The following PLPBP variants were observed in gnomAD, a reference collection of about 807,000 sequenced individuals.
PLPBP encodes pyridoxal phosphate homeostasis protein.
A neutral mutation model predicts 31.2 loss-of-function variants in PLPBP; 21 were observed. The observed-to-expected ratio is 0.67, with a 90% CI of 0.48 to 0.97. The LOEUF (loss-of-function observed/expected upper bound fraction) is 0.97. Among genes scored for constraint, PLPBP ranks in the 50% least tolerant of loss-of-function variants. The pLI, the probability that PLPBP is intolerant of heterozygous loss-of-function variation, is 0.00. For synonymous variants in PLPBP, 124 were observed against 135.6 expected (o/e 0.91, Z 0.59); for missense variants, 308 against 354.4 (o/e 0.87, Z 1.05).
At chr8:37,762,855 C>T (rs540502840) in intron 1 of PLPBP, 97 bp downstream of exon 1, 3 of 1,449,718 alleles carry the variant, frequency 2.1e-6, no homozygotes, top group South Asian at 2.6e-5. Context: ...GAGGGGTCTC[C>T]CAGAGAGGCG....
chr8:37,771,403 G>A (rs1803764434), intron 4 of PLPBP, among the ~76,000 whole-genome samples: 1 of 152,064 alleles, frequency 6.6e-6, no homozygotes, highest in Admixed American at 6.5e-5. Context: ...GCCTCCCCAA[G>A]TGCTGGGATT....
chr8:37,765,692 T>C lies in PLPBP; in HGVS notation c.208-19T>C. 2 of 1,614,232 alleles carry C rather than the reference T, an allele frequency of 1.2e-6. No individual in the cohort carries two copies. Among genetic ancestry groups the C allele is most frequent in the African/African-American group, 1.3e-5 (1 of 75,062 alleles). ...TCATGATTGCCAGGCTTCTGACTTG[T>C]TCTGTTTTGACCTTTTAGGTTCAGG... is the stretch of plus-strand genomic sequence containing the variant. On this transcript the variant is annotated intron_variant, in intron 2 of 7. Transcript: ENST00000328195.
chr8:37,775,914 T>A lies in PLPBP; in HGVS notation c.598-4T>A, dbSNP rs1361462000. ...GTAAAATAGGTGTCATCTCTTTCTG[T>A]CAGCTGTTATTGTCCCTCCGGGAGG... is the stretch of plus-strand genomic sequence containing the variant. On this transcript the variant is annotated splice_region_variant and splice_polypyrimidine_tract_variant and intron_variant, in intron 6 of 7. Transcript: ENST00000328195. 6.2e-7 allele frequency: 1 copy of A among 1,609,570 alleles called. No homozygotes were observed. Among genetic ancestry groups the A allele is most frequent in the African/African-American group, 1.4e-5 (1 of 73,852 alleles).
At chr8:37,775,793 G>C in intron 6 of PLPBP, 125 bp from the exon 7 acceptor site, 1 of 1,047,522 alleles carries the variant, frequency 9.5e-7, no homozygotes. Flanking sequence ...GTAACGTCTG[G>C]CAATTTTGGC....
rs114027497 is a variant in PLPBP, at chr8:37,772,290, C to T, written c.320-465C>T. On this transcript the variant is annotated intron_variant, in intron 4 of 7. Transcript: ENST00000328195. ...TACACGTGTGAGCCACCACACCTGG[C>T]CAGTGTTAGGGTCATGGTGATGTCC... Among the ~76,000 whole-genome samples, 1,095 of 152,264 alleles carry T rather than the reference C, an allele frequency of 7.2e-3. 9 individuals are homozygous for T. Among genetic ancestry groups the T allele is most frequent in the African/African-American group, 0.025 (1,048 of 41,544 alleles).
At chr8:37,764,018 A>T (rs1445519279) in intron 1 of PLPBP, among the ~76,000 whole-genome samples, 1 of 150,342 alleles carries the variant, frequency 6.7e-6, no homozygotes, top group Non-Finnish European at 1.5e-5. Context: ...TCTGATCCTG[A>T]ATCCAGAATT....
chr8:37,772,619 C>T (rs1803801922), intron 4 of PLPBP, 136 bp from the exon 5 acceptor site: 1 of 1,050,292 alleles, frequency 9.5e-7, no homozygotes, highest in East Asian at 2.5e-5. Flanking sequence ...CATTTGTCTT[C>T]TCAGAGGAAC....
intron 5 of PLPBP, chr8:37,775,121 C>G (rs2129808610): frequency 2.4e-6 from 1 of 417,520 alleles, no homozygotes; most frequent in Admixed American, 4.0e-5. Context: ...AAAGAGAATC[C>G]AACTGATAGT....
At chr8:37,775,630 A>G (rs1004635745) in intron 6 of PLPBP, 149 bp downstream of exon 6, 12 of 1,262,366 alleles carry the variant, frequency 9.5e-6, no homozygotes, top group Non-Finnish European at 1.2e-5. Flanking sequence ...TCTCAGAAGG[A>G]AAAGGGAAGA....
chr8:37,776,016 G>A lies in PLPBP; in HGVS notation c.696G>A (p.Ala232=), dbSNP rs200504564. The change falls in exon 7 of 8, where the codon GCG becomes GCA. Residue 232 remains alanine, a splice_region_variant and synonymous_variant. Coordinates refer to ENST00000328195, the MANE Select transcript of PLPBP (RefSeq NM_007198.4). ...GCATGTCCGCGGATTTCCAGCATGCGGTGAGTGTCCTGCCAGTGCCCTGTC... is the reference window on the plus strand; with the variant it reads ...GCATGTCCGCGGATTTCCAGCATGCAGTGAGTGTCCTGCCAGTGCCCTGTC... The part of the protein sequence containing the change: ...SMGMSADFQH[A]VEVGSTNVRI... 18 of 1,612,828 alleles carry A rather than the reference G, an allele frequency of 1.1e-5. No individual in the cohort carries two copies. Among genetic ancestry groups the A allele is most frequent in the African/African-American group, 6.7e-5 (5 of 74,898 alleles).
upstream of PLPBP, chr8:37,762,634 T>C: frequency 6.4e-7 from 1 of 1,554,692 alleles, no homozygotes; most frequent in Non-Finnish European, 8.7e-7. Context: ...GCCGGGGGCC[T>C]GGGGCTCGGC....
chr8:37,762,627 G>A (rs756281756), upstream of PLPBP: 7 of 1,548,824 alleles, frequency 4.5e-6, no homozygotes, highest in Admixed American at 9.8e-5. Flanking sequence ...ACGGGCTGCC[G>A]GGGGCCTGGG....
chr8:37,776,292 A>T (rs1016688191), intron 7 of PLPBP, among the ~76,000 whole-genome samples: 2 of 151,968 alleles, frequency 1.3e-5, no homozygotes, highest in African/African-American at 2.4e-5. Context: ...CCTGACCAAC[A>T]TGGTGAAACC....
rs1205904877 is a variant in PLPBP at position 37,779,034 on chromosome 8, C to T, written c.*930C>T. 6.6e-6 allele frequency: 1 copy of T among 151,966 alleles called. No individual in the cohort carries two copies. Among genetic ancestry groups the T allele is most frequent in the Admixed American group, 6.6e-5 (1 of 15,248 alleles). 9.4% of individuals were successfully genotyped at this position (151,966 alleles called of 1,614,324 possible). On this transcript the variant is annotated 3_prime_UTR_variant, in exon 8 of 8. Coordinates refer to ENST00000328195, the MANE Select transcript of PLPBP (RefSeq NM_007198.4). Reference sequence around the variant, plus strand: ...TTAATATGCAGATAATACCCCCCAACTTTTTTAGAGACAGCCTGTCTCTTA... The same window carrying T: ...TTAATATGCAGATAATACCCCCCAATTTTTTTAGAGACAGCCTGTCTCTTA...
intron 5 of PLPBP, among the ~76,000 whole-genome samples, chr8:37,773,470 T>C (rs1469003392): frequency 8.1e-6 from 1 of 123,522 alleles, no homozygotes; most frequent in African/African-American, 3.4e-5. Flanking sequence ...ACACTCAGCC[T>C]TTTTTTTTTT....
Position 37,772,872 on chromosome 8 carries a change from A to G in PLPBP, c.437A>G (p.Asn146Ser). ...AGGTTAAAGGTTATGGTCCAGATTA[A>G]CACCAGCGGAGAAGAGAGTAAGTAA... ...PERLKVMVQI[N>S]TSGEESKHGL... Residue 146 changes from asparagine to serine, a missense_variant, in exon 5 of 8, where the codon AAC (asparagine) becomes AGC (serine). Asn to Ser is a conservative substitution (Grantham distance 46). Coordinates refer to ENST00000328195, the MANE Select transcript of PLPBP (RefSeq NM_007198.4). The G allele has an allele frequency of 6.2e-7, 1 of 1,614,202 alleles. No individual in the cohort carries two copies. The highest frequency in any genetic ancestry group is 8.5e-7 in the Non-Finnish European group (1 of 1,180,020).
At position 37,779,049 on chromosome 8, in the gene PLPBP, C is replaced by A. The variant is rs1013138095; in HGVS notation, c.*945C>A. 5 of 152,000 alleles carry A rather than the reference C, an allele frequency of 3.3e-5. No homozygotes were observed. The allele number at this position is 152,000 out of a possible 1,614,324, so 9.4% of individuals were successfully genotyped here. A position where few individuals can be genotyped will look rare whatever the true frequency, so the allele number is the denominator to read the frequency against. On this transcript the variant is annotated 3_prime_UTR_variant, in exon 8 of 8. Coordinates refer to ENST00000328195, the MANE Select transcript of PLPBP (RefSeq NM_007198.4). ...TACCCCCCAACTTTTTTAGAGACAG[C>A]CTGTCTCTTAAAAAAAAAATTAATT...
rs1398608100 is a variant in PLPBP at position 37,779,369 on chromosome 8, T to A, written c.*1265T>A. 1 of 152,168 alleles carries A rather than the reference T, an allele frequency of 6.6e-6. No individual in the cohort carries two copies. The highest frequency in any genetic ancestry group is 6.5e-5 in the Admixed American group (1 of 15,284). The allele number at this position is 152,168 out of a possible 1,614,324, so 9.4% of individuals were successfully genotyped here. ...AGCCTGGCTTTGACATTCCTTGTCC[T>A]GAGGAGCACTTTCCAGGCATAGTTA... On this transcript the variant is annotated 3_prime_UTR_variant, in exon 8 of 8. Transcript: ENST00000328195.
intron 6 of PLPBP, 75 bp downstream of exon 6, chr8:37,775,556 A>C: frequency 6.3e-7 from 1 of 1,593,438 alleles, no homozygotes; most frequent in Non-Finnish European, 8.6e-7. Context: ...GGCTGGCTGC[A>C]GTGGGGATTG....
Sources: allele counts gnomAD v4.1 joint callset (sites outside exome capture counted in the v4.1 genomes callset), GRCh38; gene constraint gnomAD v4.1.1; transcripts MANE v1.5; gene names NCBI Gene and HGNC (gene_info 2026-07-23, HGNC 2026-07-21).